HECW1: variants seen among roughly 807,000 people sequenced by gnomAD.
The protein encoded by HECW1 is E3 ubiquitin-protein ligase HECW1.
Under a neutral mutation model 182.3 loss-of-function variants are expected in HECW1, and 61 were observed. That is an observed-to-expected ratio of 0.33 (90% CI 0.27 to 0.41). HECW1 has a LOEUF of 0.41. HECW1 is among the 10% of genes least tolerant of loss of function. HECW1 has a pLI of 1.00. For synonymous variants in HECW1, 859 were observed against 832.6 expected, an observed-to-expected ratio of 1.03 and a Z score of -0.55; for missense variants, 1,739 against 2,108.9, an observed-to-expected ratio of 0.82 and a Z score of 3.44.
At chr7:43,343,974 T>C (rs1324792698) in intron 5 of HECW1, among the ~76,000 whole-genome samples, 1 of 151,890 alleles carries the variant, frequency 6.6e-6, no homozygotes, top group Non-Finnish European at 1.5e-5. Flanking sequence ...TGGTGTCTCA[T>C]TGTGGTTTTG....
intron 28 of HECW1, among the ~76,000 whole-genome samples, chr7:43,553,511 A>T (rs1376817465): frequency 1.3e-5 from 2 of 152,094 alleles, no homozygotes; most frequent in Non-Finnish European, 2.9e-5. Flanking sequence ...TCTAAAAAAA[A>T]TACAAAAATT....
Position 43,311,790 on chromosome 7 carries a change from C to T in HECW1, c.55C>T (p.Leu19=), listed in dbSNP as rs756208375. 2 of 1,613,944 alleles carry T rather than the reference C, an allele frequency of 1.2e-6. No homozygotes were observed. Among genetic ancestry groups the T allele is most frequent in the South Asian group, 2.2e-5 (2 of 91,086 alleles). ...KNLYQNRFLG[L]AAMASPSRNS... The stretch of plus-strand genomic sequence containing the variant: ...TCTGTACCAGAACAGGTTTTTAGGC[C>T]TGGCCGCCATGGCGTCTCCTTCTAG... Residue 19 remains leucine, a synonymous_variant, in exon 4 of 30, where the codon CTG becomes TTG. Coordinates refer to ENST00000395891, the MANE Select transcript of HECW1 (RefSeq NM_015052.5).
At chr7:43,161,495 A>C (rs757026747) in intron 2 of HECW1, 1 of 152,230 alleles carries the variant, frequency 6.6e-6, no homozygotes, top group Non-Finnish European at 1.5e-5. Context: ...TGAGTAAATG[A>C]ATGTAAGGAT....
intron 16 of HECW1, among the ~76,000 whole-genome samples, chr7:43,471,497 G>A (rs1313955451): frequency 6.6e-6 from 1 of 152,204 alleles, no homozygotes; most frequent in Non-Finnish European, 1.5e-5. Context: ...AGAGCTGTTT[G>A]GTGTCTTTGA....
intron 8 of HECW1, among the ~76,000 whole-genome samples, chr7:43,434,307 T>C (rs910403426): frequency 1.4e-4 from 22 of 152,236 alleles, no homozygotes; most frequent in Admixed American, 4.6e-4. Flanking sequence ...TAGTAAATCA[T>C]GAGGCAGGTG....
Position 43,380,216 on chromosome 7 carries a change from C to A in HECW1, c.556-16598C>A, listed in dbSNP as rs555362674. On this transcript the variant is annotated intron_variant, in intron 6 of 29. Coordinates refer to ENST00000395891, the MANE Select transcript of HECW1 (RefSeq NM_015052.5). ...TACAGGCACATGCCACCACACCTGG[C>A]TAATATTTTTAAAAATTTTTAAATT... Among the ~76,000 whole-genome samples, 6 of 152,104 alleles carry A rather than the reference C, an allele frequency of 3.9e-5. 1 individual carries two copies. In the South Asian group the frequency reaches 1.2e-3, roughly 32 times the overall value.
At chr7:43,308,803 G>C (rs751749085) in intron 3 of HECW1, among the ~76,000 whole-genome samples, 6 of 152,112 alleles carry the variant, frequency 3.9e-5, no homozygotes, top group Non-Finnish European at 7.4e-5. Flanking sequence ...TGTACTTTTA[G>C]TAGAGACGGG....
intron 16 of HECW1, among the ~76,000 whole-genome samples, chr7:43,478,966 G>A (rs967809503): frequency 5.3e-5 from 8 of 152,098 alleles, no homozygotes; most frequent in Non-Finnish European, 1.0e-4. Context: ...TTCAGCTACT[G>A]AGCAAACAGG....
intron 13 of HECW1, among the ~76,000 whole-genome samples, chr7:43,461,620 CA>C (rs1281441056): frequency 6.6e-6 from 1 of 152,178 alleles, no homozygotes. Flanking sequence ...CCTGAGTCCT[CA>C]GCAGAGAGAA....
chr7:43,336,611 C>A (rs13232367), intron 5 of HECW1, among the ~76,000 whole-genome samples: 41,471 of 151,980 alleles, frequency 0.27, 5,786 homozygotes, highest in Non-Finnish European at 0.3. Context: ...GTATTACATG[C>A]ATAATAATGA....
At chr7:43,541,060 A>C in intron 24 of HECW1, 103 bp from the exon 25 acceptor site, 2 of 876,420 alleles carry the variant, frequency 2.3e-6, no homozygotes, top group Non-Finnish European at 3.8e-6. Flanking sequence ...TTCCTTAAGC[A>C]GCTTAAGATG....
intron 16 of HECW1, among the ~76,000 whole-genome samples, chr7:43,478,469 G>A (rs754942306): frequency 6.6e-6 from 1 of 152,022 alleles, no homozygotes; most frequent in Non-Finnish European, 1.5e-5. Context: ...CAGTAAAAAA[G>A]TCAAATGTCT....
At chr7:43,385,746 T>C (rs1162369530) in intron 6 of HECW1, among the ~76,000 whole-genome samples, 1 of 152,204 alleles carries the variant, frequency 6.6e-6, no homozygotes, top group Admixed American at 6.5e-5. Context: ...AAAGAATATG[T>C]TGAAAATGAG....
intron 5 of HECW1, among the ~76,000 whole-genome samples, chr7:43,321,496 T>C (rs1287014149): frequency 1.3e-5 from 2 of 152,156 alleles, no homozygotes; most frequent in Non-Finnish European, 2.9e-5. Context: ...GGCTTGACAT[T>C]TGCCAGCTGA....
At chr7:43,531,636 C>G (rs2080995398) in intron 24 of HECW1, among the ~76,000 whole-genome samples, 1 of 152,140 alleles carries the variant, frequency 6.6e-6, no homozygotes, top group African/African-American at 2.4e-5. Flanking sequence ...CTCCCATTCT[C>G]TCCAGCCAGC....
intron 24 of HECW1, among the ~76,000 whole-genome samples, chr7:43,538,602 AG>A (rs778134409): frequency 5.9e-5 from 9 of 152,188 alleles, no homozygotes; most frequent in Non-Finnish European, 1.3e-4. Context: ...ACAGAGGAAA[AG>A]GCCTGGTCTG....
intron 9 of HECW1, chr7:43,439,673 C>A (rs1385824984): frequency 6.5e-6 from 1 of 152,784 alleles, no homozygotes; most frequent in Non-Finnish European, 1.5e-5. Flanking sequence ...CCGCAGAGCC[C>A]CTCTGCCCTC....
chr7:43,371,185 C>A (rs1170123624), intron 6 of HECW1, among the ~76,000 whole-genome samples: 1 of 152,138 alleles, frequency 6.6e-6, no homozygotes. Context: ...CCACGCCTGG[C>A]CAATGAAATT....
chr7:43,351,093 G>A (rs902007961), intron 5 of HECW1, among the ~76,000 whole-genome samples: 5 of 152,140 alleles, frequency 3.3e-5, no homozygotes, highest in East Asian at 1.9e-4. Flanking sequence ...TTTTCCTACG[G>A]TGTGGCTTCC....
Sources: gnomAD v4.1 joint callset for allele counts (sites outside exome capture counted in the v4.1 genomes callset) on GRCh38, gnomAD v4.1.1 for gene constraint, MANE v1.5 for transcripts, NCBI Gene and HGNC (gene_info 2026-07-23, HGNC 2026-07-21) for gene names.